SCFD2: variants seen among roughly 807,000 people sequenced by gnomAD.
SCFD2 encodes the protein sec1 family domain-containing protein 2.
SCFD2 carries 54 observed loss-of-function variants against 58.9 expected under a neutral mutation model. The ratio of observed to expected loss-of-function variants is 0.92; its 90% CI spans 0.74 to 1.15. The LOEUF (loss-of-function observed/expected upper bound fraction) is 1.15. SCFD2 is among the 50% of genes most tolerant of loss of function. The pLI, the probability that SCFD2 is intolerant of heterozygous loss-of-function variation, is 0.00. For synonymous variants in SCFD2, 321 were observed against 335.9 expected (o/e 0.96, Z 0.49); for missense variants, 805 against 836.6 (o/e 0.96, Z 0.47).
chr4:53,034,322 C>A (rs1391966858), intron 5 of SCFD2, among the ~76,000 whole-genome samples: 2 of 152,102 alleles, frequency 1.3e-5, no homozygotes. Flanking sequence ...TGGGATGTAT[C>A]TCAAAATACT....
At chr4:52,966,823 A>T (rs536911589) in intron 5 of SCFD2, among the ~76,000 whole-genome samples, 48 of 149,376 alleles carry the variant, frequency 3.2e-4, no homozygotes, top group African/African-American at 1.1e-3. Flanking sequence ...CTTTGTTTTT[A>T]AAAAAAATTG....
At chr4:53,313,527 G>C (rs1732754803) in intron 3 of SCFD2, 109 bp downstream of exon 3, 2 of 1,265,502 alleles carry the variant, frequency 1.6e-6, no homozygotes, top group East Asian at 4.7e-5. Context: ...GTATACAAAA[G>C]TCGTTACTAC....
intron 5 of SCFD2, among the ~76,000 whole-genome samples, chr4:52,940,172 T>G (rs1189894727): frequency 6.6e-6 from 1 of 152,214 alleles, no homozygotes; most frequent in African/African-American, 2.4e-5. Context: ...ATTGGTTGCC[T>G]GATAGAATGA....
intron 5 of SCFD2, among the ~76,000 whole-genome samples, chr4:53,114,140 T>A (rs1725253066): frequency 2.0e-5 from 3 of 152,228 alleles, no homozygotes; most frequent in African/African-American, 7.2e-5. Flanking sequence ...ATTGTACATA[T>A]CTCATCGGAC....
intron 2 of SCFD2, among the ~76,000 whole-genome samples, chr4:53,335,461 C>T: frequency 6.6e-6 from 1 of 152,086 alleles, no homozygotes; most frequent in Non-Finnish European, 1.5e-5. Context: ...TTCGCTTTTA[C>T]AAAGGATATT....
intron 5 of SCFD2, among the ~76,000 whole-genome samples, chr4:53,013,987 C>A (rs1722155403): frequency 6.6e-6 from 1 of 152,140 alleles, no homozygotes; most frequent in Non-Finnish European, 1.5e-5. Context: ...GAGAGAGCAA[C>A]TTGGAATTAA....
At chr4:52,887,326 T>C (rs1464476587) in intron 7 of SCFD2, among the ~76,000 whole-genome samples, 2 of 152,180 alleles carry the variant, frequency 1.3e-5, no homozygotes, top group South Asian at 2.1e-4. Context: ...GGAGAATTCC[T>C]CCTGATTCCT....
intron 5 of SCFD2, among the ~76,000 whole-genome samples, chr4:53,097,198 G>A (rs553521678): frequency 3.9e-5 from 6 of 152,212 alleles, no homozygotes; most frequent in South Asian, 2.1e-4. Flanking sequence ...GGCAATGGGG[G>A]CTCTCTTTTG....
chr4:52,900,981 G>A (rs1334060771), intron 7 of SCFD2, among the ~76,000 whole-genome samples: 1 of 152,196 alleles, frequency 6.6e-6, no homozygotes, highest in African/African-American at 2.4e-5. Context: ...CGTTTGTTAA[G>A]CCCATTGGAA....
intron 5 of SCFD2, among the ~76,000 whole-genome samples, chr4:53,139,103 G>T (rs147667685): frequency 2.0e-5 from 3 of 152,144 alleles, no homozygotes; most frequent in Non-Finnish European, 4.4e-5. Context: ...GCTCCTGACC[G>T]CAAGTGATCT....
intron 4 of SCFD2, among the ~76,000 whole-genome samples, chr4:53,241,347 A>C (rs755355629): frequency 1.1e-4 from 17 of 152,164 alleles, no homozygotes; most frequent in Non-Finnish European, 1.8e-4. Context: ...TTAGCCCCCA[A>C]GGGAAGTGTC....
At chr4:53,184,402 AT>A (rs1453304403) in intron 4 of SCFD2, among the ~76,000 whole-genome samples, 1 of 152,154 alleles carries the variant, frequency 6.6e-6, no homozygotes, top group Non-Finnish European at 1.5e-5. Flanking sequence ...GAATCAGGAA[AT>A]AATTTCAAGA....
chr4:53,139,038 T>C (rs1354090212), intron 5 of SCFD2, among the ~76,000 whole-genome samples: 3 of 151,968 alleles, frequency 2.0e-5, no homozygotes, highest in East Asian at 1.9e-4. Flanking sequence ...GCGTGACTGG[T>C]TTTTGTATTT....
intron 5 of SCFD2, among the ~76,000 whole-genome samples, chr4:53,033,822 C>A (rs1016616120): frequency 6.7e-6 from 1 of 149,238 alleles, no homozygotes; most frequent in African/African-American, 2.4e-5. Context: ...GAGGCAATAA[C>A]AGCCACCCAA....
At chr4:53,222,442 G>C (rs1312657192) in intron 4 of SCFD2, among the ~76,000 whole-genome samples, 1 of 152,160 alleles carries the variant, frequency 6.6e-6, no homozygotes, top group Non-Finnish European at 1.5e-5. Flanking sequence ...GTGGATATCT[G>C]TGCATGATAA....
intron 5 of SCFD2, among the ~76,000 whole-genome samples, chr4:53,057,014 C>G (rs1181978659): frequency 1.3e-5 from 2 of 152,064 alleles, no homozygotes; most frequent in Non-Finnish European, 2.9e-5. Context: ...GAAACTCCGT[C>G]TCTAATAAAA....
In SCFD2 at chr4:52,873,954, C is replaced by T; in HGVS notation, c.*15G>A. 1 of 1,603,018 alleles carries T rather than the reference C, an allele frequency of 6.2e-7. No individual in the cohort carries two copies. Among genetic ancestry groups the T allele is most frequent in the Non-Finnish European group, 8.5e-7 (1 of 1,170,098 alleles). ...CATTTCCAGCTTGAGTAGGTCTTAT[C>T]TTCTTAGCGGATGCTCAGAAGCCAA... On this transcript the variant is annotated 3_prime_UTR_variant, in exon 9 of 9. Transcript: ENST00000401642.
intron 4 of SCFD2, among the ~76,000 whole-genome samples, chr4:53,196,689 T>C (rs1484590452): frequency 1.3e-5 from 2 of 151,998 alleles, no homozygotes; most frequent in Non-Finnish European, 2.9e-5. Flanking sequence ...TCAGAAAATA[T>C]GCATTGGCAA....
chr4:53,106,950 G>GA (rs1233754544), intron 5 of SCFD2, among the ~76,000 whole-genome samples: 1 of 152,126 alleles, frequency 6.6e-6, no homozygotes, highest in East Asian at 1.9e-4. Context: ...TGAAACGAAG[G>GA]AAAAAATGTT....
Sources: gnomAD v4.1 joint callset for allele counts (sites outside exome capture counted in the v4.1 genomes callset) on GRCh38, gnomAD v4.1.1 for gene constraint, MANE v1.5 for transcripts, NCBI Gene and HGNC (gene_info 2026-07-23, HGNC 2026-07-21) for gene names.